Variants in UNC13C observed in about 807,000 individuals in gnomAD.
UNC13C encodes the protein unc-13 homolog C.
UNC13C carries 174 observed loss-of-function variants against 245.4 expected under a neutral mutation model. That is an observed-to-expected ratio of 0.71 (90% CI 0.63 to 0.80). The LOEUF is 0.80. Among genes scored for constraint, UNC13C ranks in the 30% least tolerant of loss-of-function variants. The pLI is 0.00. For missense variants in UNC13C, 2,829 were observed against 2,602.9 expected (o/e 1.09, Z -1.89); for synonymous variants, 992 against 895.1 (o/e 1.11, Z -1.93).
At chr15:54,329,923 C>T (rs1389607692) in intron 14 of UNC13C, among the ~76,000 whole-genome samples, 2 of 152,038 alleles carry the variant, frequency 1.3e-5, no homozygotes, top group Non-Finnish European at 2.9e-5. Context: ...AGATTTCCCC[C>T]TTTGCTCCCC....
intron 19 of UNC13C, among the ~76,000 whole-genome samples, chr15:54,418,890 T>C (rs2040577181): frequency 6.6e-6 from 1 of 152,134 alleles, no homozygotes; most frequent in Admixed American, 6.6e-5. Context: ...GGAAGCACAG[T>C]TCCTCTTTCA....
At chr15:53,934,943 G>A in the UNC13C span, among the ~76,000 whole-genome samples, 31,699 of 152,032 alleles carry the variant, frequency 0.21, 3,500 homozygotes, top group South Asian at 0.32. Flanking sequence ...TTGGGGAGTG[G>A]AGTTTCAACA....
the UNC13C span, among the ~76,000 whole-genome samples, chr15:53,952,499 G>A: frequency 8.5e-5 from 13 of 152,154 alleles, no homozygotes; most frequent in African/African-American, 2.9e-4. Flanking sequence ...AAACATTTGA[G>A]TACCAACTTT....
rs796637345 is a variant in UNC13C, at chr15:54,583,705, C to T, written c.6106+15758C>T. On this transcript the variant is annotated intron_variant, in intron 30 of 32. Coordinates refer to ENST00000260323, the MANE Select transcript of UNC13C (RefSeq NM_001080534.3). Reference sequence around the variant, plus strand: ...CATTTTCAGGCCTGACCTAAGTTGTCTGAAGCCCAGTCTCACTGTATCACC... The same window carrying T: ...CATTTTCAGGCCTGACCTAAGTTGTTTGAAGCCCAGTCTCACTGTATCACC... Among the ~76,000 whole-genome samples, 6 of 152,336 alleles carry T rather than the reference C, an allele frequency of 3.9e-5. No homozygotes were observed. The South Asian group carries it at 6.2e-4, about 16-fold the overall frequency.
At chr15:53,971,363 G>A in the UNC13C span, among the ~76,000 whole-genome samples, 1 of 152,084 alleles carries the variant, frequency 6.6e-6, no homozygotes, top group African/African-American at 2.4e-5. Flanking sequence ...GAAAACATCA[G>A]GGAAGAGCTT....
At chr15:54,380,046 A>G (rs1316334381) in intron 17 of UNC13C, among the ~76,000 whole-genome samples, 2 of 152,124 alleles carry the variant, frequency 1.3e-5, no homozygotes, top group Non-Finnish European at 2.9e-5. Flanking sequence ...ACTGTTAACT[A>G]TGGTAAACAT....
chr15:54,548,277 A>G (rs1305574644), intron 27 of UNC13C, among the ~76,000 whole-genome samples: 1 of 125,246 alleles, frequency 8.0e-6, no homozygotes, highest in Non-Finnish European at 1.6e-5. Context: ...GCTGGAGTGC[A>G]GTGGCGCGAT....
chr15:54,580,508 G>T (rs753529590), intron 30 of UNC13C, among the ~76,000 whole-genome samples: 3 of 152,184 alleles, frequency 2.0e-5, no homozygotes, highest in Non-Finnish European at 4.4e-5. Flanking sequence ...CCAAGCATGT[G>T]CTCTGGTTCT....
chr15:54,030,603 A>G (rs1288360779), intron 2 of UNC13C, among the ~76,000 whole-genome samples: 1 of 152,186 alleles, frequency 6.6e-6, no homozygotes, highest in African/African-American at 2.4e-5. Flanking sequence ...TCTTACCCCC[A>G]TCTTTGTTTG....
rs573237308 is a variant in UNC13C at position 54,366,165 on chromosome 15, C to T, written c.4714-26883C>T. On this transcript the variant is annotated intron_variant, in intron 17 of 32. Transcript: ENST00000260323. ...GGCCTTATTTTTATTTCAAAAGCAT[C>T]GTTTATTATGGTTATTCTGTTATTT... Among the ~76,000 whole-genome samples, 107 of 152,134 alleles carry T rather than the reference C, an allele frequency of 7.0e-4. 3 individuals carry two copies. In the South Asian group the frequency reaches 0.022, roughly 31 times the overall value.
intron 18 of UNC13C, among the ~76,000 whole-genome samples, chr15:54,410,887 T>C (rs2040403612): frequency 1.3e-5 from 2 of 152,156 alleles, no homozygotes; most frequent in African/African-American, 4.8e-5. Flanking sequence ...TCTAATTCTA[T>C]AAAAATGTCA....
chr15:54,334,687 G>A (rs2038527559), intron 16 of UNC13C, among the ~76,000 whole-genome samples: 1 of 152,048 alleles, frequency 6.6e-6, no homozygotes, highest in South Asian at 2.1e-4. Context: ...TTTAAAATCA[G>A]GCTAACTAGG....
At chr15:54,536,010 A>G (rs1425309248) in intron 26 of UNC13C, among the ~76,000 whole-genome samples, 1 of 152,106 alleles carries the variant, frequency 6.6e-6, no homozygotes, top group African/African-American at 2.4e-5. Flanking sequence ...AAATTGAGAG[A>G]TGAGAAACCA....
At chr15:54,090,974 C>T (rs569313761) in intron 2 of UNC13C, among the ~76,000 whole-genome samples, 2 of 151,154 alleles carry the variant, frequency 1.3e-5, no homozygotes, top group East Asian at 3.9e-4. Context: ...AGATGAGATG[C>T]TCTTGGTGCA....
chr15:54,267,523 A>T (rs1567147138), intron 10 of UNC13C, among the ~76,000 whole-genome samples: 1 of 152,098 alleles, frequency 6.6e-6, no homozygotes, highest in East Asian at 1.9e-4. Context: ...TTGACCAGAA[A>T]TAGATGTTGC....
In UNC13C at chr15:54,250,258, C is replaced by A; in HGVS notation, c.3262C>A (p.Leu1088Met). ...CGTCTTCAAGAAGACCTTGCAGGCA[C>A]TGATCTACCCTATGTCTTCTACCAT... ...MHVFKKTLQA[L>M]IYPMSSTIPH... The change falls in exon 8 of 33, where the codon CTG becomes ATG. Residue 1088 changes from leucine to methionine, a missense_variant. By Grantham distance (15) the Leu-to-Met change is conservative. Transcript: ENST00000260323. 6.2e-7 allele frequency: 1 copy of A among 1,613,978 alleles called. No individual in the cohort carries two copies. The highest frequency in any genetic ancestry group is 1.1e-5 in the South Asian group (1 of 91,086).
chr15:54,079,617 A>G (rs571693749), intron 2 of UNC13C, among the ~76,000 whole-genome samples: 1 of 152,084 alleles, frequency 6.6e-6, no homozygotes, highest in African/African-American at 2.4e-5. Flanking sequence ...CAGCTTGAGC[A>G]CTATTGGTGT....
intron 4 of UNC13C, among the ~76,000 whole-genome samples, chr15:54,162,601 C>A (rs116037942): frequency 6.6e-6 from 1 of 152,110 alleles, no homozygotes; most frequent in Non-Finnish European, 1.5e-5. Flanking sequence ...CTATTATGTC[C>A]TCTATCCATT....
chr15:54,605,393 G>C (rs11632366), intron 30 of UNC13C, among the ~76,000 whole-genome samples: 92,324 of 152,030 alleles, frequency 0.61, 28,402 homozygotes, highest in Middle Eastern at 0.69. Flanking sequence ...TAGCACAGAT[G>C]CCACTGGATT....
Sources: gnomAD v4.1 joint callset for allele counts (sites outside exome capture counted in the v4.1 genomes callset) on GRCh38, gnomAD v4.1.1 for gene constraint, MANE v1.5 for transcripts, NCBI Gene and HGNC (gene_info 2026-07-23, HGNC 2026-07-21) for gene names.